Variants in PITPNC1 observed in about 807,000 individuals in gnomAD.
The protein encoded by PITPNC1 is cytoplasmic phosphatidylinositol transfer protein 1.
A neutral mutation model predicts 44.7 loss-of-function variants in PITPNC1; 18 were observed. The observed-to-expected ratio is 0.40, with a 90% CI of 0.28 to 0.60. The LOEUF (loss-of-function observed/expected upper bound fraction) is 0.60, where lower values mean the gene tolerates loss of function less well. PITPNC1 is among the 20% of genes least tolerant of loss of function. PITPNC1 has a pLI of 0.39. For missense variants in PITPNC1, 290 were observed against 418.4 expected, an observed-to-expected ratio of 0.69 and a Z score of 2.68; for synonymous variants, 141 against 149.6, an observed-to-expected ratio of 0.94 and a Z score of 0.42.
intron 1 of PITPNC1, among the ~76,000 whole-genome samples, chr17:67,462,921 C>T (rs970318313): frequency 1.2e-4 from 19 of 152,058 alleles, no homozygotes; most frequent in African/African-American, 4.6e-4. Flanking sequence ...AGGTTGGTCT[C>T]GAACTCCCGA....
At chr17:67,572,649 C>G (rs956876918) in intron 4 of PITPNC1, among the ~76,000 whole-genome samples, 2 of 151,318 alleles carry the variant, frequency 1.3e-5, no homozygotes, top group African/African-American at 4.9e-5. Context: ...AAGGGACAAA[C>G]AGAATGCTGC....
Position 67,643,746 on chromosome 17 carries a change from G to A in PITPNC1, c.462+11508G>A, listed in dbSNP as rs559596896. Among the ~76,000 whole-genome samples, 18 of 152,302 alleles carry A rather than the reference G, an allele frequency of 1.2e-4. No homozygotes were observed. In the South Asian group the frequency reaches 1.5e-3, roughly 12 times the overall value. On this transcript the variant is annotated intron_variant, in intron 6 of 8. Transcript: ENST00000581322. ...AGATGGGATGGAGAAGTGAGATGAC[G>A]TCAAAGGCAAGGCATGGAAAGTGAC...
intron 5 of PITPNC1, among the ~76,000 whole-genome samples, chr17:67,609,258 G>A (rs996293461): frequency 8.6e-5 from 13 of 151,272 alleles, no homozygotes; most frequent in Admixed American, 2.6e-4. Flanking sequence ...AGGCCTGGTG[G>A]GAGAGTTGGT....
At chr17:67,655,535 G>GGGAGATAAGAGCAA (rs2042254278) in intron 6 of PITPNC1, among the ~76,000 whole-genome samples, 1 of 128,828 alleles carries the variant, frequency 7.8e-6, no homozygotes, top group African/African-American at 3.2e-5. Flanking sequence ...ACTCCAGCCT[G>GGGAGATAAGAGCAA]GACAACAGAG....
intron 5 of PITPNC1, among the ~76,000 whole-genome samples, chr17:67,625,484 T>C (rs1338271945): frequency 6.6e-6 from 1 of 152,178 alleles, no homozygotes; most frequent in Non-Finnish European, 1.5e-5. Flanking sequence ...CCCAAATGAA[T>C]CATTGCTGTG....
At position 67,676,652 on chromosome 17, in the gene PITPNC1, G is replaced by A. The variant is rs1441921276; in HGVS notation, c.682+1110G>A. 1.3e-5 allele frequency among the ~76,000 whole-genome samples: 2 copies of A among 151,912 alleles called. No homozygotes were observed. The highest frequency in any genetic ancestry group is 4.8e-5 in the African/African-American group (2 of 41,318). ...CTGAGTATAACCTAGATTGCATTTTGGTCCTTTTCTGTCATTGTTTCACCA... is the reference window on the plus strand; with the variant it reads ...CTGAGTATAACCTAGATTGCATTTTAGTCCTTTTCTGTCATTGTTTCACCA... On this transcript the variant is annotated intron_variant, in intron 8 of 8. Transcript: ENST00000581322. This position sits in a 1 kb window ranked among gnomAD's most constrained non-coding sequence, Gnocchi z 4.0.
chr17:67,476,791 A>G (rs2144018703), intron 1 of PITPNC1, among the ~76,000 whole-genome samples: 1 of 152,076 alleles, frequency 6.6e-6, no homozygotes, highest in East Asian at 1.9e-4. Context: ...GGCCAGATAT[A>G]TGGATTAACG....
At chr17:67,445,180 G>A (rs1337119840) in intron 1 of PITPNC1, among the ~76,000 whole-genome samples, 1 of 152,044 alleles carries the variant, frequency 6.6e-6, no homozygotes, top group East Asian at 1.9e-4. Flanking sequence ...ACCGACTTCA[G>A]TGTTTTGCCC....
At chr17:67,590,293 G>A (rs947770445) in intron 5 of PITPNC1, among the ~76,000 whole-genome samples, 3 of 152,160 alleles carry the variant, frequency 2.0e-5, no homozygotes, top group Admixed American at 1.3e-4. Context: ...ACACTGAAAA[G>A]GAGAGAAAAA....
In PITPNC1 at chr17:67,514,581, T is replaced by C. The variant is rs546647049; in HGVS notation, c.49-18221T>C. Among the ~76,000 whole-genome samples the C allele has an allele frequency of 1.1e-4, 17 of 150,758 alleles. No homozygotes were observed. The South Asian group carries it at 3.6e-3, about 32-fold the overall frequency. On this transcript the variant is annotated intron_variant, in intron 1 of 8. Coordinates refer to ENST00000581322, the MANE Select transcript of PITPNC1 (RefSeq NM_012417.4). ...GGCTTATGCCTGTAATCCCAGCACT[T>C]TGGGAGGCTGAGGCAGACAGATCAC...
intron 1 of PITPNC1, among the ~76,000 whole-genome samples, chr17:67,530,407 G>A (rs1428286881): frequency 6.6e-6 from 1 of 152,006 alleles, no homozygotes; most frequent in South Asian, 2.1e-4. Flanking sequence ...TGGCTTTATA[G>A]ATGGCCATTT....
intron 1 of PITPNC1, among the ~76,000 whole-genome samples, chr17:67,424,852 C>A (rs978921056): frequency 6.6e-6 from 1 of 151,918 alleles, no homozygotes; most frequent in Non-Finnish European, 1.5e-5. Context: ...ATGTGACCTT[C>A]GTGTATACAT....
chr17:67,688,128 C>T (rs569285639), intron 8 of PITPNC1, among the ~76,000 whole-genome samples: 137 of 150,626 alleles, frequency 9.1e-4, no homozygotes, highest in African/African-American at 3.2e-3. Flanking sequence ...CACCTGAGGT[C>T]GGGGGTTCGA....
At chr17:67,378,778 C>T (rs1240580617) in intron 1 of PITPNC1, among the ~76,000 whole-genome samples, 3 of 152,216 alleles carry the variant, frequency 2.0e-5, no homozygotes, top group Non-Finnish European at 4.4e-5. Flanking sequence ...AGGCTCGGGA[C>T]CCGGCTGTGT....
At chr17:67,447,150 T>A (rs2039109883) in intron 1 of PITPNC1, among the ~76,000 whole-genome samples, 1 of 149,764 alleles carries the variant, frequency 6.7e-6, no homozygotes, top group Non-Finnish European at 1.5e-5. Flanking sequence ...AATGTGTGTT[T>A]GGACTTCCAA....
intron 1 of PITPNC1, among the ~76,000 whole-genome samples, chr17:67,403,981 C>T (rs751870126): frequency 3.9e-5 from 6 of 152,176 alleles, no homozygotes; most frequent in African/African-American, 7.2e-5. Context: ...GAGATTGCGC[C>T]GCTGCTCTCC....
chr17:67,690,217 G>A (rs945779526), intron 8 of PITPNC1, among the ~76,000 whole-genome samples: 5 of 152,166 alleles, frequency 3.3e-5, no homozygotes, highest in African/African-American at 1.2e-4. Flanking sequence ...GGAGGCTGAG[G>A]TGGACGGATG....
chr17:67,599,777 G>A (rs1218209902), intron 5 of PITPNC1, among the ~76,000 whole-genome samples: 1 of 152,158 alleles, frequency 6.6e-6, no homozygotes, highest in Non-Finnish European at 1.5e-5. Flanking sequence ...ATCAGAAGGG[G>A]ACTTAGAGTG....
Position 67,427,097 on chromosome 17 carries a change from C to T in PITPNC1, c.48+48895C>T, listed in dbSNP as rs185430458. Among the ~76,000 whole-genome samples, 6 of 152,308 alleles carry T rather than the reference C, an allele frequency of 3.9e-5. 1 individual carries two copies. In the East Asian group the frequency reaches 1.2e-3, roughly 29 times the overall value. On this transcript the variant is annotated intron_variant, in intron 1 of 8. Coordinates refer to ENST00000581322, the MANE Select transcript of PITPNC1 (RefSeq NM_012417.4). ...CCTGAAAAAGTCTCCATGATTGGCCCTGGAGGAGTTCTCCTGGTTGTCTGG... is the reference window on the plus strand; with the variant it reads ...CCTGAAAAAGTCTCCATGATTGGCCTTGGAGGAGTTCTCCTGGTTGTCTGG...
Sources: allele counts gnomAD v4.1 joint callset (sites outside exome capture counted in the v4.1 genomes callset), GRCh38; gene constraint gnomAD v4.1.1; non-coding constraint Gnocchi (gnomAD v3.1); transcripts MANE v1.5; gene names NCBI Gene and HGNC (gene_info 2026-07-23, HGNC 2026-07-21).